Variants in JAK1 observed in about 807,000 individuals in gnomAD.
The protein encoded by JAK1 is Janus kinase 1, also known as tyrosine-protein kinase JAK1.
Under a neutral mutation model 136.6 loss-of-function variants are expected in JAK1, and 16 were observed. The observed-to-expected ratio is 0.12, with a 90% CI of 0.08 to 0.18. JAK1 has a LOEUF of 0.18. Among genes scored for constraint, JAK1 ranks in the 10% least tolerant of loss-of-function variants. The pLI is 1.00. For synonymous variants in JAK1, 492 were observed against 519.5 expected (o/e 0.95, Z 0.72); for missense variants, 859 against 1,450.1 (o/e 0.59, Z 6.62).
At chr1:65,042,649 T>C (rs1333296731) in intron 2 of JAK1, among the ~76,000 whole-genome samples, 7 of 152,312 alleles carry the variant, frequency 4.6e-5, no homozygotes, top group African/African-American at 1.4e-4. Context: ...AAGTACTAGG[T>C]ACCTGTCAAA....
intron 1 of JAK1, among the ~76,000 whole-genome samples, chr1:64,913,155 G>A (rs190353031): frequency 3.3e-5 from 5 of 152,238 alleles, no homozygotes; most frequent in South Asian, 2.1e-4. Flanking sequence ...CAGAATAGCC[G>A]AGACTACAGG....
intron 2 of JAK1, 38 bp downstream of exon 2, chr1:64,886,221 G>C (rs765691932): frequency 7.4e-7 from 1 of 1,355,398 alleles, no homozygotes; most frequent in East Asian, 2.4e-5. Context: ...TTTAAAGCCA[G>C]ATATTTTCCT....
rs1334968337 is a variant in JAK1, at chr1:64,984,694, G to C, written c.-78+59786C>G. 1 of 637,778 alleles carries C rather than the reference G, an allele frequency of 1.6e-6. No individual in the cohort carries two copies. The allele number at this position is 637,778 out of a possible 1,614,324, so 39.5% of individuals were successfully genotyped here. ...CCAGATCTATTTGCATCGTGTGCCT[G>C]CCCCTCAAAGGCCTATGTGATATCC... On this transcript the variant is annotated intron_variant, in intron 2 of 25. Coordinates refer to the JAK1 transcript ENST00000671954. This position sits in a 1 kb window ranked among gnomAD's most constrained non-coding sequence, Gnocchi z 4.1.
intron 1 of JAK1, among the ~76,000 whole-genome samples, chr1:65,050,296 A>T (rs1647249551): frequency 6.6e-6 from 1 of 152,238 alleles, no homozygotes; most frequent in Non-Finnish European, 1.5e-5. Flanking sequence ...AACACACGTG[A>T]TTCAACTGTG....
chr1:64,943,476 A>T (rs962255682), intron 1 of JAK1, among the ~76,000 whole-genome samples: 10 of 152,334 alleles, frequency 6.6e-5, no homozygotes, highest in African/African-American at 2.2e-4. Context: ...ATGGATTTCA[A>T]GTTAGTGGGG....
intron 15 of JAK1, 78 bp downstream of exon 15, chr1:64,845,435 T>C (rs1247922936): frequency 1.3e-6 from 2 of 1,554,414 alleles, no homozygotes; most frequent in Non-Finnish European, 1.8e-6. Context: ...GCTGCTTGGC[T>C]AGCACCTCCT....
chr1:64,841,165 G>A (rs1654874624), intron 19 of JAK1, 80 bp downstream of exon 19: 5 of 1,005,980 alleles, frequency 5.0e-6, no homozygotes, highest in Middle Eastern at 2.1e-4. Flanking sequence ...AGAATGGAGA[G>A]CAGCTGTACG....
intron 2 of JAK1, chr1:64,989,673 G>C (rs559918639): frequency 3.2e-4 from 49 of 152,286 alleles, no homozygotes; most frequent in African/African-American, 1.1e-3. Flanking sequence ...CAAGGCCTGA[G>C]GCAAAAGGTC....
Position 64,860,415 on chromosome 1 carries a change from CATGCATTTATTTATTTATTT to C in JAK1, c.1177-173_1177-154del, listed in dbSNP as rs1276237476. On this transcript the variant is annotated intron_variant, in intron 8 of 24. Coordinates refer to ENST00000342505, the MANE Select transcript of JAK1 (RefSeq NM_002227.4). ...TCATCAATACTAAATATACCCCTTG[CATGCATTTATTTATTTATTT>C]ATTTATTTATTTATTTATTTATTTA... is the stretch of plus-strand genomic sequence containing the variant. 2.2e-3 allele frequency among the ~76,000 whole-genome samples: 282 copies of C among 128,440 alleles called. 4 individuals carry two copies. The highest frequency in any genetic ancestry group is 4.1e-3 in the South Asian group (17 of 4,114). The allele number at this position is 128,440 out of a possible 152,430, so 84.3% of individuals were successfully genotyped here. A position where few individuals can be genotyped will look rare whatever the true frequency, so the allele number is the denominator to read the frequency against.
chr1:64,982,127 C>T (rs935638649), intron 2 of JAK1, among the ~76,000 whole-genome samples: 1 of 108,400 alleles, frequency 9.2e-6, no homozygotes, highest in African/African-American at 4.6e-5. Context: ...CACACACGCA[C>T]ACACACACAC....
intron 2 of JAK1, among the ~76,000 whole-genome samples, chr1:64,989,000 G>GTA (rs1343195557): frequency 0.013 from 1,150 of 91,754 alleles, 4 homozygotes; most frequent in Middle Eastern, 0.061. Context: ...GTGTGTGTGT[G>GTA]TGTATATATA....
chr1:64,843,916 T>G, intron 17 of JAK1, 148 bp downstream of exon 17: 1 of 787,618 alleles, frequency 1.3e-6, no homozygotes, highest in Non-Finnish European at 2.0e-6. Flanking sequence ...CAGTTACATT[T>G]GTGAGGTCAC....
chr1:64,999,993 GT>G (rs370410704), intron 2 of JAK1, among the ~76,000 whole-genome samples: 10,736 of 141,542 alleles, frequency 0.076, 689 homozygotes, highest in East Asian at 0.32. Flanking sequence ...AGAATCATAA[GT>G]TTTTTTTTTT....
intron 9 of JAK1, among the ~76,000 whole-genome samples, chr1:64,859,304 C>T (rs1656146724): frequency 6.6e-6 from 1 of 152,212 alleles, no homozygotes; most frequent in Non-Finnish European, 1.5e-5. Context: ...TCAAAAGAAT[C>T]CCTGTTGTCT....
At chr1:64,981,267 C>T (rs532240871) in intron 2 of JAK1, among the ~76,000 whole-genome samples, 87 of 152,328 alleles carry the variant, frequency 5.7e-4, no homozygotes, top group African/African-American at 2.0e-3. Context: ...GTCCTGAATT[C>T]ACACAGTATT....
Position 64,898,271 on chromosome 1 carries a change from C to T in JAK1, c.-77-11930G>A, listed in dbSNP as rs574127865. The stretch of plus-strand genomic sequence containing the variant: ...ACTCATCCTCCTCTGCTAGCACAGT[C>T]GGAGGGACCAGCAAGTTCACGGGGC... On this transcript the variant is annotated intron_variant, in intron 1 of 24. Coordinates refer to ENST00000342505, the MANE Select transcript of JAK1 (RefSeq NM_002227.4). 6.0e-4 allele frequency among the ~76,000 whole-genome samples: 92 copies of T among 152,268 alleles called. 1 individual carries two copies. The highest frequency in any genetic ancestry group is 1.2e-3 in the Non-Finnish European group (79 of 68,022).
chr1:64,894,280 G>A (rs1205010998), intron 1 of JAK1, among the ~76,000 whole-genome samples: 1 of 152,194 alleles, frequency 6.6e-6, no homozygotes, highest in African/African-American at 2.4e-5. Context: ...CGAAGAGGTT[G>A]AACCTAGTTT....
At chr1:64,972,976 T>G (rs1203122466) in intron 2 of JAK1, 3 of 151,744 alleles carry the variant, frequency 2.0e-5, no homozygotes, top group Non-Finnish European at 4.4e-5. Context: ...AAAAACTAGC[T>G]GGGCATGGTG....
At chr1:65,035,700 G>A (rs1012834902) in intron 2 of JAK1, among the ~76,000 whole-genome samples, 1 of 152,124 alleles carries the variant, frequency 6.6e-6, no homozygotes, top group African/African-American at 2.4e-5. Context: ...CCCTTCTTTG[G>A]GGAGTGTCCC....
Sources: allele counts gnomAD v4.1 joint callset (sites outside exome capture counted in the v4.1 genomes callset), GRCh38; gene constraint gnomAD v4.1.1; non-coding constraint Gnocchi (gnomAD v3.1); transcripts MANE v1.5; gene names NCBI Gene and HGNC (gene_info 2026-07-23, HGNC 2026-07-21).